Variants in LRRTM4 observed in about 807,000 individuals in gnomAD.
The protein encoded by LRRTM4 is leucine rich repeat transmembrane neuronal 4.
Under a neutral mutation model 47.6 loss-of-function variants are expected in LRRTM4, and 25 were observed. That is an observed-to-expected ratio of 0.53 (90% CI 0.38 to 0.73). LRRTM4 has a LOEUF of 0.73. LRRTM4 is among the 30% of genes least tolerant of loss of function. The pLI is 0.00. For missense variants in LRRTM4, 638 were observed against 713.4 expected, an observed-to-expected ratio of 0.89 and a Z score of 1.20; for synonymous variants, 311 against 269.5, an observed-to-expected ratio of 1.15 and a Z score of -1.51.
At chr2:77,008,683 T>C (rs1677752340) in intron 3 of LRRTM4, among the ~76,000 whole-genome samples, 1 of 152,144 alleles carries the variant, frequency 6.6e-6, no homozygotes. Context: ...CTCATCCTTT[T>C]ACCAGTAGTC....
At chr2:77,434,219 C>CT (rs35183015) in intron 3 of LRRTM4, among the ~76,000 whole-genome samples, 20 of 150,628 alleles carry the variant, frequency 1.3e-4, no homozygotes, top group African/African-American at 4.6e-4. Context: ...TGTGTGTAGA[C>CT]TTTTTTTTAT....
At chr2:77,079,894 A>C (rs537621987) in intron 3 of LRRTM4, among the ~76,000 whole-genome samples, 3 of 152,000 alleles carry the variant, frequency 2.0e-5, no homozygotes, top group Non-Finnish European at 4.4e-5. Context: ...AACATTTTAA[A>C]TTTAATTTTA....
intron 3 of LRRTM4, among the ~76,000 whole-genome samples, chr2:77,368,780 A>G (rs530014984): frequency 6.6e-6 from 1 of 151,774 alleles, no homozygotes; most frequent in Non-Finnish European, 1.5e-5. Flanking sequence ...TATCGGCTGT[A>G]GTGAATAATG....
chr2:77,167,969 GTTC>G (rs1260733142), intron 3 of LRRTM4, among the ~76,000 whole-genome samples: 2 of 151,876 alleles, frequency 1.3e-5, no homozygotes, highest in Admixed American at 6.6e-5. Flanking sequence ...AGAAAAAAGA[GTTC>G]TTCTACCAGT....
At chr2:77,315,089 A>G (rs1162322473) in intron 3 of LRRTM4, among the ~76,000 whole-genome samples, 1 of 152,154 alleles carries the variant, frequency 6.6e-6, no homozygotes, top group Non-Finnish European at 1.5e-5. Context: ...GTTTATTAGG[A>G]AGTAACCCCA....
intron 3 of LRRTM4, among the ~76,000 whole-genome samples, chr2:76,887,565 G>C (rs774654362): frequency 1.2e-4 from 18 of 144,320 alleles, no homozygotes; most frequent in Non-Finnish European, 1.4e-4. Context: ...TGACATATGT[G>C]CAAATATGTA....
chr2:76,881,026 T>C (rs1325606837), intron 3 of LRRTM4, among the ~76,000 whole-genome samples: 2 of 152,168 alleles, frequency 1.3e-5, no homozygotes, highest in African/African-American at 4.8e-5. Context: ...TCTAGTGTTC[T>C]ATAGTACCGT....
intron 3 of LRRTM4, among the ~76,000 whole-genome samples, chr2:77,004,049 C>T (rs758512912): frequency 4.6e-5 from 7 of 152,078 alleles, no homozygotes; most frequent in Non-Finnish European, 8.8e-5. Context: ...TTAGGGTATC[C>T]ATTGGAAGAA....
intron 3 of LRRTM4, among the ~76,000 whole-genome samples, chr2:77,360,297 A>G (rs1672140201): frequency 6.6e-6 from 1 of 152,028 alleles, no homozygotes. Context: ...ATCTACTAAA[A>G]ATACAAAAAA....
chr2:77,286,729 T>C (rs1676672951), intron 3 of LRRTM4, among the ~76,000 whole-genome samples: 1 of 152,028 alleles, frequency 6.6e-6, no homozygotes, highest in African/African-American at 2.4e-5. Context: ...CCAAACTTCA[T>C]AAAAGTAGTC....
intron 3 of LRRTM4, among the ~76,000 whole-genome samples, chr2:77,312,620 C>G (rs1677488160): frequency 6.6e-6 from 1 of 152,168 alleles, no homozygotes; most frequent in East Asian, 1.9e-4. Context: ...GTTCTTAAAG[C>G]ACACCACACG....
chr2:77,328,995 T>C (rs1670875846), intron 3 of LRRTM4, among the ~76,000 whole-genome samples: 1 of 152,128 alleles, frequency 6.6e-6, no homozygotes, highest in South Asian at 2.1e-4. Flanking sequence ...TTCTCATCTG[T>C]AAAATATAAG....
chr2:76,904,692 A>G (rs2103756927), intron 3 of LRRTM4, among the ~76,000 whole-genome samples: 1 of 152,308 alleles, frequency 6.6e-6, no homozygotes, highest in Admixed American at 6.5e-5. Flanking sequence ...CTGGCTTTGA[A>G]GTCAGCAAAC....
intron 3 of LRRTM4, among the ~76,000 whole-genome samples, chr2:76,899,457 A>C (rs1449749052): frequency 6.6e-6 from 1 of 152,032 alleles, no homozygotes; most frequent in Non-Finnish European, 1.5e-5. Context: ...ACCCATGTTA[A>C]GCTTTATGGA....
At chr2:77,008,650 G>A (rs1677751148) in intron 3 of LRRTM4, among the ~76,000 whole-genome samples, 1 of 152,032 alleles carries the variant, frequency 6.6e-6, no homozygotes, top group Non-Finnish European at 1.5e-5. Context: ...TGTCTTTCTT[G>A]TTGAGGTGTG....
chr2:76,899,720 CA>C (rs1247223336), intron 3 of LRRTM4, among the ~76,000 whole-genome samples: 1 of 152,102 alleles, frequency 6.6e-6, no homozygotes, highest in Non-Finnish European at 1.5e-5. Context: ...TATGCATTTA[CA>C]ACTTCTGAAC....
intron 3 of LRRTM4, among the ~76,000 whole-genome samples, chr2:77,259,901 C>G (rs1034011752): frequency 1.3e-5 from 2 of 151,968 alleles, no homozygotes; most frequent in Admixed American, 6.6e-5. Flanking sequence ...ATGTCAAGAG[C>G]CTTGTAGGTC....
At chr2:77,036,537 C>G (rs557615607) in intron 3 of LRRTM4, among the ~76,000 whole-genome samples, 4 of 151,600 alleles carry the variant, frequency 2.6e-5, no homozygotes, top group African/African-American at 9.7e-5. Flanking sequence ...TTCCTACAAT[C>G]CTTATCATCA....
chr2:77,174,471 G>C lies in LRRTM4; in HGVS notation c.1551+343847C>G, dbSNP rs112013935. Among the ~76,000 whole-genome samples the C allele has an allele frequency of 1.6e-3, 241 of 152,262 alleles. 1 individual carries two copies. Among genetic ancestry groups the C allele is most frequent in the Non-Finnish European group, 1.1e-3 (75 of 68,026 alleles). On this transcript the variant is annotated intron_variant, in intron 3 of 3. Transcript: ENST00000409884. ...CTGTTCTACCAAGGCTTTGAGTGTA[G>C]CAGGGGCCTCTGTGTGGAGAAATGC...
Sources: allele counts gnomAD v4.1 joint callset (sites outside exome capture counted in the v4.1 genomes callset), GRCh38; gene constraint gnomAD v4.1.1; transcripts MANE v1.5; gene names NCBI Gene and HGNC (gene_info 2026-07-23, HGNC 2026-07-21).